The following HS6ST3 variants were observed in gnomAD, a reference collection of about 807,000 sequenced individuals.
The protein encoded by HS6ST3 is heparan sulfate 6-O-sulfotransferase 3, also known as heparan-sulfate 6-O-sulfotransferase 3.
In HS6ST3, 12 loss-of-function variants were observed where a neutral mutation model predicts 36.7. The observed-to-expected ratio is 0.33, with a 90% CI of 0.21 to 0.53. The LOEUF (loss-of-function observed/expected upper bound fraction) is 0.53, where lower values mean the gene tolerates loss of function less well. Ranked by LOEUF, HS6ST3 falls within the 20% of genes least tolerant of loss-of-function variation. The probability of loss-of-function intolerance (pLI) is 0.95; values close to 1 mark genes in which losing one functional copy is unlikely to be tolerated. For missense variants in HS6ST3, 584 were observed against 640.9 expected (o/e 0.91, Z 0.96); for synonymous variants, 240 against 257.5 (o/e 0.93, Z 0.65).
intron 1 of HS6ST3, among the ~76,000 whole-genome samples, chr13:96,805,215 C>T (rs1878168820): frequency 6.6e-6 from 1 of 152,048 alleles, no homozygotes; most frequent in African/African-American, 2.4e-5. Flanking sequence ...GGGGGAAGGG[C>T]CTGGTGGGAG....
chr13:96,237,513 C>T (rs553914856), intron 1 of HS6ST3, among the ~76,000 whole-genome samples: 1 of 152,128 alleles, frequency 6.6e-6, no homozygotes, highest in Non-Finnish European at 1.5e-5. Flanking sequence ...CATCATTCAT[C>T]TCTTCCTTAT....
chr13:96,106,308 A>G (rs2053841326), intron 1 of HS6ST3, among the ~76,000 whole-genome samples: 1 of 152,188 alleles, frequency 6.6e-6, no homozygotes. Context: ...TTTAGGTTAT[A>G]AAAGGACTGT....
intron 1 of HS6ST3, among the ~76,000 whole-genome samples, chr13:96,639,593 T>C (rs1375503263): frequency 6.6e-6 from 1 of 152,028 alleles, no homozygotes; most frequent in African/African-American, 2.4e-5. Flanking sequence ...TGCAGGTTTG[T>C]TATTTGGATA....
chr13:96,572,024 C>T (rs117037091), intron 1 of HS6ST3, among the ~76,000 whole-genome samples: 7,557 of 152,236 alleles, frequency 0.05, 226 homozygotes, highest in Middle Eastern at 0.075. Flanking sequence ...GCTCATCTAG[C>T]CTAAGCCAGA....
chr13:96,694,436 C>T (rs1443099204), intron 1 of HS6ST3, among the ~76,000 whole-genome samples: 2 of 152,038 alleles, frequency 1.3e-5, no homozygotes, highest in Admixed American at 1.3e-4. Flanking sequence ...TATGTTGATT[C>T]CATGTCTTTG....
intron 1 of HS6ST3, among the ~76,000 whole-genome samples, chr13:96,304,618 A>G (rs575848347): frequency 1.2e-4 from 18 of 151,994 alleles, no homozygotes; most frequent in Middle Eastern, 6.8e-3. Flanking sequence ...GAAGAAAGAG[A>G]ATAACATATA....
chr13:96,477,944 CA>C (rs987437572), intron 1 of HS6ST3, among the ~76,000 whole-genome samples: 1 of 152,002 alleles, frequency 6.6e-6, no homozygotes, highest in Non-Finnish European at 1.5e-5. Flanking sequence ...CACATACACA[CA>C]AAAAACCGAA....
At chr13:96,303,802 G>T (rs140466070) in intron 1 of HS6ST3, among the ~76,000 whole-genome samples, 2 of 152,002 alleles carry the variant, frequency 1.3e-5, no homozygotes, top group African/African-American at 4.8e-5. Flanking sequence ...ATATCTAATC[G>T]AATTCACCTA....
intron 1 of HS6ST3, among the ~76,000 whole-genome samples, chr13:96,580,389 TTTG>T (rs1170247208): frequency 9.8e-6 from 1 of 101,774 alleles, no homozygotes; most frequent in African/African-American, 3.9e-5. Flanking sequence ...TGGTCAACAC[TTTG>T]TTTTTTTTTT....
At chr13:96,759,266 G>A (rs117139947) in intron 1 of HS6ST3, among the ~76,000 whole-genome samples, 1 of 151,858 alleles carries the variant, frequency 6.6e-6, no homozygotes, top group East Asian at 1.9e-4. Context: ...CCTTTTAATT[G>A]TAGTGTTTAG....
intron 1 of HS6ST3, among the ~76,000 whole-genome samples, chr13:96,819,198 A>G (rs1401449501): frequency 6.6e-6 from 1 of 152,214 alleles, no homozygotes; most frequent in African/African-American, 2.4e-5. Flanking sequence ...AATAAATGAA[A>G]AAAGAAATGA....
chr13:96,722,853 T>C (rs953934521), intron 1 of HS6ST3, among the ~76,000 whole-genome samples: 2 of 152,090 alleles, frequency 1.3e-5, no homozygotes, highest in South Asian at 4.2e-4. Context: ...GGCGTGCGCC[T>C]GTAGTCCCAG....
At chr13:96,263,759 A>G (rs1033392351) in intron 1 of HS6ST3, among the ~76,000 whole-genome samples, 1 of 152,246 alleles carries the variant, frequency 6.6e-6, no homozygotes, top group Non-Finnish European at 1.5e-5. Flanking sequence ...CCATTGGCTT[A>G]CAAAAGACAG....
chr13:96,225,602 C>T (rs535928847), intron 1 of HS6ST3, among the ~76,000 whole-genome samples: 6 of 152,186 alleles, frequency 3.9e-5, no homozygotes, highest in Admixed American at 1.3e-4. Context: ...ACATCCATCC[C>T]ACCTTGCATC....
intron 1 of HS6ST3, among the ~76,000 whole-genome samples, chr13:96,700,949 T>G (rs1886395863): frequency 1.3e-5 from 2 of 152,202 alleles, no homozygotes; most frequent in African/African-American, 4.8e-5. Flanking sequence ...CATCCAGGTC[T>G]CATTTACTTC....
intron 1 of HS6ST3, among the ~76,000 whole-genome samples, chr13:96,682,861 A>G (rs1178362919): frequency 1.3e-5 from 2 of 152,128 alleles, no homozygotes; most frequent in African/African-American, 2.4e-5. Flanking sequence ...TATTAGTGTC[A>G]CCCGAAAAAG....
intron 1 of HS6ST3, among the ~76,000 whole-genome samples, chr13:96,465,997 A>C (rs991382731): frequency 6.6e-6 from 1 of 151,994 alleles, no homozygotes; most frequent in African/African-American, 2.4e-5. Context: ...AAGATCTACT[A>C]TCTTGTCCGG....
intron 1 of HS6ST3, among the ~76,000 whole-genome samples, chr13:96,177,691 G>A (rs1594705428): frequency 6.6e-6 from 1 of 151,780 alleles, no homozygotes; most frequent in East Asian, 1.9e-4. Context: ...TGGGTACTGG[G>A]CTTAATACCT....
chr13:96,283,695 G>T (rs190196610), intron 1 of HS6ST3, among the ~76,000 whole-genome samples: 30 of 152,210 alleles, frequency 2.0e-4, no homozygotes, highest in Admixed American at 1.7e-3. Context: ...TCTATAATTT[G>T]CTTTTTTCCA....
Sources: allele counts gnomAD v4.1 joint callset (sites outside exome capture counted in the v4.1 genomes callset), GRCh38; gene constraint gnomAD v4.1.1; transcripts MANE v1.5; gene names NCBI Gene and HGNC (gene_info 2026-07-23, HGNC 2026-07-21).